Variants in ITIH4 observed in about 807,000 individuals in gnomAD.
ITIH4 encodes inter-alpha-trypsin inhibitor heavy chain 4, also known as inter-alpha-trypsin inhibitor heavy chain H4.
A neutral mutation model predicts 111.8 loss-of-function variants in ITIH4; 79 were observed. That is an observed-to-expected ratio of 0.71 (90% CI 0.59 to 0.85). ITIH4 has a LOEUF of 0.85. Ranked by LOEUF, ITIH4 falls within the 40% of genes least tolerant of loss-of-function variation. The pLI, the probability that ITIH4 is intolerant of heterozygous loss-of-function variation, is 0.00. For synonymous variants in ITIH4, 472 were observed against 468.3 expected (o/e 1.01, Z -0.10); for missense variants, 1,065 against 1,195.8 (o/e 0.89, Z 1.61).
intron 23 of ITIH4, 150 bp downstream of exon 23, chr3:52,813,825 G>A: frequency 1.5e-6 from 1 of 678,446 alleles, no homozygotes; most frequent in Non-Finnish European, 2.6e-6. Flanking sequence ...CTGAAAGCTG[G>A]CTTAGACACT....
In ITIH4 at chr3:52,814,257, G is replaced by C; in HGVS notation, c.2578C>G (p.Leu860Val). 1 of 1,613,870 alleles carries C rather than the reference G, an allele frequency of 6.2e-7. No homozygotes were observed. The highest frequency in any genetic ancestry group is 8.5e-7 in the Non-Finnish European group (1 of 1,180,028). ...WDGRGEGLRL[L>V]LRDTDRFSSH... is the part of the protein sequence containing the mutation. ...GAGAAGCGGTCAGTGTCACGCAGAA[G>C]GAGCCGGAGCCCCTCCCCACGGCCA... The change falls in exon 22 of 24, where the codon CTT becomes GTT. Residue 860 changes from leucine (L) to valine (V), a missense_variant. Leu to Val is a conservative substitution (Grantham distance 32, BLOSUM62 1). Transcript: ENST00000266041.
At position 52,824,250 on chromosome 3, in the gene ITIH4, G is replaced by T. The variant is rs374192471; in HGVS notation, c.1111C>A (p.Arg371=). 12 of 1,613,506 alleles carry T rather than the reference G, an allele frequency of 7.4e-6. No homozygotes were observed. The change falls in exon 9 of 24, where the codon CGG becomes AGG. Residue 371 remains arginine (R), a synonymous_variant. Transcript: ENST00000266041. The surrounding 1 kb of genome is among the most constrained non-coding windows in gnomAD (Gnocchi z 4.3). ...AGTGAGACACTCCCTTCGGGCAGCCGCTCCTCCTGGTTGCTGCTGTCCAGC... is the reference window on the plus strand; with the variant it reads ...AGTGAGACACTCCCTTCGGGCAGCCTCTCCTCCTGGTTGCTGCTGTCCAGC... ...QLLDSSNQEE[R]LPEGSVSLII...
At chr3:52,823,358 G>A (rs1358509540) in intron 11 of ITIH4, 198 bp downstream of exon 11, 23 of 588,044 alleles carry the variant, frequency 3.9e-5, no homozygotes, top group Admixed American at 2.4e-4. Flanking sequence ...TGCACAGACC[G>A]GCTGCCGAGA....
At chr3:52,814,469 C>A (rs1249930050) in intron 21 of ITIH4, 106 bp from the exon 22 acceptor site, 6 of 971,184 alleles carry the variant, frequency 6.2e-6, no homozygotes, top group Non-Finnish European at 9.5e-6. Context: ...TCCAGGAAGT[C>A]ACGGAGTGGC....
chr3:52,820,211 A>C, intron 14 of ITIH4, 80 bp downstream of exon 14: 2 of 1,592,522 alleles, frequency 1.3e-6, no homozygotes, highest in Non-Finnish European at 1.7e-6. Context: ...CCTGGCCAGC[A>C]ACCTCACAGG....
Position 52,816,942 on chromosome 3 carries a change from G to A in ITIH4, c.2413C>T (p.Arg805Trp), listed in dbSNP as rs750157544. The A allele has an allele frequency of 3.1e-6, 5 of 1,614,042 alleles. No individual in the cohort carries two copies. Among genetic ancestry groups the A allele is most frequent in the South Asian group, 1.1e-5 (1 of 91,076 alleles). ...TTGTACGCAGAGCTTCTTCGGTTCC[G>A]AGTCACCACCACGTGTTCAGGGGAT... is the stretch of plus-strand genomic sequence containing the variant. ...HASPEHVVVTRNRRSSAYKWK... is the reference protein window; with the variant it reads ...HASPEHVVVTWNRRSSAYKWK... The change falls in exon 21 of 24, where the codon CGG becomes TGG. Residue 805 changes from arginine to tryptophan, a missense_variant. Coordinates refer to ENST00000266041, the MANE Select transcript of ITIH4 (RefSeq NM_002218.5).
rs1439193937 is a variant in ITIH4 at position 52,819,956 on chromosome 3, T to C, written c.1896A>G (p.Ala632=). Residue 632 remains alanine, a synonymous_variant, in exon 15 of 24, where the codon GCA becomes GCG. Coordinates refer to ENST00000266041, the MANE Select transcript of ITIH4 (RefSeq NM_002218.5). ...CTTTGTCACCTGGTTTTGGTATTTT[T>C]GCTCCCTGGAGATAATATTTGAAGA... ...STFFKYYLQG[A]KIPKPEASFS... 1.2e-6 allele frequency: 2 copies of C among 1,614,150 alleles called. No homozygotes were observed. Among genetic ancestry groups the C allele is most frequent in the East Asian group, 2.2e-5 (1 of 44,870 alleles).
chr3:52,820,977 G>A lies in ITIH4; in HGVS notation c.1679+14C>T. On this transcript the variant is annotated intron_variant, in intron 12 of 23. Transcript: ENST00000266041. ...CCCCTAGCGACAGGCTTAGGGAGGTGCTGATGCACTCACGTTTGCTCCAGC... is the reference window on the plus strand; with the variant it reads ...CCCCTAGCGACAGGCTTAGGGAGGTACTGATGCACTCACGTTTGCTCCAGC... 1 of 1,613,078 alleles carries A rather than the reference G, an allele frequency of 6.2e-7. No homozygotes were observed. The highest frequency in any genetic ancestry group is 8.5e-7 in the Non-Finnish European group (1 of 1,179,538).
At chr3:52,827,755 A>C (rs1410855349) in intron 2 of ITIH4, among the ~76,000 whole-genome samples, 2 of 152,224 alleles carry the variant, frequency 1.3e-5, no homozygotes, top group African/African-American at 4.8e-5. Flanking sequence ...GGAGGCTGGC[A>C]TATCTGGAAG....
intron 13 of ITIH4, 93 bp downstream of exon 13, chr3:52,820,538 T>G: frequency 2.8e-6 from 4 of 1,446,474 alleles, no homozygotes; most frequent in Non-Finnish European, 3.8e-6. Context: ...GGGGGCACGG[T>G]TGGGGTCTTG....
chr3:52,813,910 G>A lies in ITIH4; in HGVS notation c.2723+65C>T, dbSNP rs114158822. ...CAGGAGTGGGGCCCTGGAGAGCCTG[G>A]CTCCTGGCCTGCCAGTCCCCACCCC... On this transcript the variant is annotated intron_variant, in intron 23 of 23. Coordinates refer to ENST00000266041, the MANE Select transcript of ITIH4 (RefSeq NM_002218.5). 4,124 of 1,303,158 alleles carry A rather than the reference G, an allele frequency of 3.2e-3. 111 individuals carry two copies. In the African/African-American group the frequency reaches 0.052, roughly 16 times the overall value. 80.7% of individuals were successfully genotyped at this position (1,303,158 alleles called of 1,614,324 possible).
intron 2 of ITIH4, among the ~76,000 whole-genome samples, chr3:52,827,891 C>T (rs1700510448): frequency 6.6e-6 from 1 of 152,202 alleles, no homozygotes. Context: ...TTTTTCAGAG[C>T]CTCCTTGTGG....
chr3:52,826,719 AC>A, intron 4 of ITIH4, 68 bp from the exon 5 acceptor site: 2 of 1,611,654 alleles, frequency 1.2e-6, no homozygotes, highest in Non-Finnish European at 1.7e-6. Flanking sequence ...AGGCTCAGGG[AC>A]AAAGAGGGGC....
rs774509643 is a variant in ITIH4, at chr3:52,814,378, A to G, written c.2472-15T>C. 1 of 1,613,020 alleles carries G rather than the reference A, an allele frequency of 6.2e-7. No homozygotes were observed. Among genetic ancestry groups the G allele is most frequent in the African/African-American group, 1.3e-5 (1 of 75,018 alleles). On this transcript the variant is annotated splice_polypyrimidine_tract_variant and intron_variant, in intron 21 of 23. Coordinates refer to ENST00000266041, the MANE Select transcript of ITIH4 (RefSeq NM_002218.5). ...TCATCTTCAGGCTGTGGAAAGACCC[A>G]GTGTCTTGAGCAGGAAGGTAGAGAC...
chr3:52,828,267 C>T (rs955000973), intron 2 of ITIH4, among the ~76,000 whole-genome samples: 6 of 152,252 alleles, frequency 3.9e-5, no homozygotes, highest in African/African-American at 1.4e-4. Flanking sequence ...GCACCCATGT[C>T]GAAGGCTGAC....
intron 23 of ITIH4, among the ~76,000 whole-genome samples, chr3:52,813,741 A>C (rs1436411777): frequency 2.6e-5 from 4 of 152,312 alleles, no homozygotes; most frequent in Admixed American, 2.6e-4. Context: ...GACTGTCCCC[A>C]ACCAACCCCA....
chr3:52,828,524 G>A (rs1700519564), intron 2 of ITIH4, among the ~76,000 whole-genome samples: 1 of 152,228 alleles, frequency 6.6e-6, no homozygotes. Flanking sequence ...GGCAGCAAGG[G>A]ACAGGCGGCA....
At chr3:52,826,683 C>T (rs199797318) in intron 4 of ITIH4, 32 bp from the exon 5 acceptor site, 6 of 1,611,192 alleles carry the variant, frequency 3.7e-6, no homozygotes, top group Admixed American at 1.7e-5. Context: ...CTGGGTCAGC[C>T]AGGAGCCTGG....
At chr3:52,826,489 G>T (rs1201790971) in intron 5 of ITIH4, 52 bp downstream of exon 5, 2 of 1,359,656 alleles carry the variant, frequency 1.5e-6, no homozygotes, top group Non-Finnish European at 2.1e-6. Context: ...CATAGGGCTG[G>T]CCTGAAGGCA....
Sources: allele counts gnomAD v4.1 joint callset (sites outside exome capture counted in the v4.1 genomes callset), GRCh38; gene constraint gnomAD v4.1.1; non-coding constraint Gnocchi (gnomAD v3.1); transcripts MANE v1.5; gene names NCBI Gene and HGNC (gene_info 2026-07-23, HGNC 2026-07-21).